Variants in AMBRA1 observed in about 807,000 individuals in gnomAD.
The protein encoded by AMBRA1 is activating molecule in BECN1-regulated autophagy protein 1.
Under a neutral mutation model 125.4 loss-of-function variants are expected in AMBRA1, and 47 were observed. The observed-to-expected ratio is 0.37, with a 90% CI of 0.30 to 0.48. The LOEUF is 0.48. Among genes scored for constraint, AMBRA1 ranks in the 20% least tolerant of loss-of-function variants. AMBRA1 has a pLI of 0.99. For missense variants in AMBRA1, 1,331 were observed against 1,693.4 expected, an observed-to-expected ratio of 0.79 and a Z score of 3.76; for synonymous variants, 626 against 655.5, an observed-to-expected ratio of 0.95 and a Z score of 0.69.
At chr11:46,448,658 A>G (rs1948429889) in intron 11 of AMBRA1, among the ~76,000 whole-genome samples, 1 of 152,158 alleles carries the variant, frequency 6.6e-6, no homozygotes, top group Admixed American at 6.5e-5. Context: ...AATCAATAAA[A>G]CCAAAAACTT....
At chr11:46,548,931 C>G (rs1414424492) in intron 1 of AMBRA1, 1 of 152,518 alleles carries the variant, frequency 6.6e-6, no homozygotes, top group Non-Finnish European at 1.5e-5. Flanking sequence ...GCAGAAGTTG[C>G]AGAGAGCTGA....
intron 9 of AMBRA1, among the ~76,000 whole-genome samples, chr11:46,497,934 G>A (rs1256837400): frequency 6.6e-6 from 1 of 152,196 alleles, no homozygotes; most frequent in Non-Finnish European, 1.5e-5. Flanking sequence ...TGGAAGAACT[G>A]AAGGGAGAGG....
chr11:46,570,663 T>A (rs1414573025), intron 1 of AMBRA1, among the ~76,000 whole-genome samples: 2 of 151,894 alleles, frequency 1.3e-5, no homozygotes, highest in South Asian at 2.1e-4. Flanking sequence ...CTGTTAATAT[T>A]TTTTTTTAAG....
At chr11:46,579,256 G>C (rs1320455810) in intron 1 of AMBRA1, among the ~76,000 whole-genome samples, 1 of 152,004 alleles carries the variant, frequency 6.6e-6, no homozygotes, top group African/African-American at 2.4e-5. Context: ...TCAGGAGTTC[G>C]AGACCAGCCT....
chr11:46,567,149 G>A (rs999638646), intron 1 of AMBRA1, among the ~76,000 whole-genome samples: 1 of 152,196 alleles, frequency 6.6e-6, no homozygotes, highest in African/African-American at 2.4e-5. Flanking sequence ...TCGACTTACT[G>A]CAGCCTCCGC....
chr11:46,415,454 C>T (rs1181918073), intron 15 of AMBRA1, among the ~76,000 whole-genome samples: 2 of 152,318 alleles, frequency 1.3e-5, no homozygotes, highest in South Asian at 2.1e-4. Context: ...GAGTGAAAAG[C>T]GCTCTGGATA....
chr11:46,428,301 C>T (rs1470895946), intron 14 of AMBRA1, among the ~76,000 whole-genome samples: 1 of 152,112 alleles, frequency 6.6e-6, no homozygotes, highest in African/African-American at 2.4e-5. Flanking sequence ...TACGGTTTTA[C>T]CACATGGCCA....
At chr11:46,583,677 A>AAAAAAAAAAAAAAAAAAAAAAAAC (rs1565324615) in intron 1 of AMBRA1, among the ~76,000 whole-genome samples, 2 of 143,830 alleles carry the variant, frequency 1.4e-5, no homozygotes, top group African/African-American at 5.3e-5. Context: ...AAAAAAAAAA[A>AAAAAAAAAAAAAAAAAAAAAAAAC]AACAACAAAA....
intron 9 of AMBRA1, among the ~76,000 whole-genome samples, chr11:46,495,917 T>A (rs536504812): frequency 6.6e-6 from 1 of 152,222 alleles, no homozygotes; most frequent in Admixed American, 6.5e-5. Flanking sequence ...TTAAAAAGGA[T>A]CCTAAGCGGG....
chr11:46,493,627 A>G lies in AMBRA1; in HGVS notation c.2502T>C (p.Ser834=). 1 of 1,606,514 alleles carries G rather than the reference A, an allele frequency of 6.2e-7. No homozygotes were observed. ...CCTTACCTGCCAGGACCCTGTTAACAGAAGAGTGAGTAGCCAAGCCAGGCT... is the reference window on the plus strand; with the variant it reads ...CCTTACCTGCCAGGACCCTGTTAACGGAAGAGTGAGTAGCCAAGCCAGGCT... ...RGQPGLATHS[S]VNRVLAGAVI... Residue 834 remains serine, a synonymous_variant, in exon 11 of 18, where the codon TCT becomes TCC. Coordinates refer to ENST00000683756, the MANE Select transcript of AMBRA1 (RefSeq NM_001387011.1).
chr11:46,454,844 T>A (rs2136807852), intron 11 of AMBRA1, among the ~76,000 whole-genome samples: 1 of 150,772 alleles, frequency 6.6e-6, no homozygotes, highest in Admixed American at 6.6e-5. Flanking sequence ...CTGGAATAAG[T>A]AGTAAGTGAA....
intron 12 of AMBRA1, among the ~76,000 whole-genome samples, chr11:46,441,890 A>G (rs1948026020): frequency 6.6e-6 from 1 of 150,466 alleles, no homozygotes; most frequent in South Asian, 2.1e-4. Context: ...GATTTATACT[A>G]TGGAGGTTCA....
At chr11:46,478,100 C>G (rs909937102) in intron 11 of AMBRA1, among the ~76,000 whole-genome samples, 2 of 151,948 alleles carry the variant, frequency 1.3e-5, no homozygotes, top group African/African-American at 4.8e-5. Context: ...ATGCAATTCA[C>G]ATTTGGTCCC....
chr11:46,555,398 C>T (rs1018555748), intron 1 of AMBRA1, among the ~76,000 whole-genome samples: 3 of 152,156 alleles, frequency 2.0e-5, no homozygotes, highest in Non-Finnish European at 4.4e-5. Context: ...TTTGAGGCTT[C>T]GTTTCCTCCT....
At chr11:46,495,831 G>A (rs573992163) in intron 9 of AMBRA1, among the ~76,000 whole-genome samples, 31 of 152,170 alleles carry the variant, frequency 2.0e-4, no homozygotes, top group African/African-American at 3.6e-4. Context: ...TTTCATTATC[G>A]TATATTTCAC....
chr11:46,575,388 T>C (rs752729161), intron 1 of AMBRA1, among the ~76,000 whole-genome samples: 1 of 148,660 alleles, frequency 6.7e-6, no homozygotes, highest in Non-Finnish European at 1.5e-5. Context: ...ACCCGGAAGG[T>C]GGAGGTTGTG....
chr11:46,517,481 T>G (rs957663920), intron 7 of AMBRA1, among the ~76,000 whole-genome samples: 18 of 144,928 alleles, frequency 1.2e-4, no homozygotes, highest in Non-Finnish European at 2.3e-4. Flanking sequence ...TTTTTTTTTT[T>G]TTTTTTTTTT....
At chr11:46,533,414 T>A (rs1305854623) in intron 7 of AMBRA1, among the ~76,000 whole-genome samples, 2 of 152,240 alleles carry the variant, frequency 1.3e-5, no homozygotes, top group Non-Finnish European at 2.9e-5. Context: ...TCTTGTTTAC[T>A]ATTAATTTTT....
chr11:46,451,268 C>G (rs1192713633), intron 11 of AMBRA1, among the ~76,000 whole-genome samples: 1 of 152,178 alleles, frequency 6.6e-6, no homozygotes, highest in Non-Finnish European at 1.5e-5. Flanking sequence ...ACTAAGCTGC[C>G]AAGTCTCATT....
Sources: gnomAD v4.1 joint callset for allele counts (sites outside exome capture counted in the v4.1 genomes callset) on GRCh38, gnomAD v4.1.1 for gene constraint, MANE v1.5 for transcripts, NCBI Gene and HGNC (gene_info 2026-07-23, HGNC 2026-07-21) for gene names.